GRIP1: variants seen among roughly 807,000 people sequenced by gnomAD.
The protein encoded by GRIP1 is glutamate receptor-interacting protein 1.
A neutral mutation model predicts 129.9 loss-of-function variants in GRIP1; 45 were observed. The observed-to-expected ratio is 0.35, with a 90% CI of 0.27 to 0.44. The LOEUF (loss-of-function observed/expected upper bound fraction) is 0.44. Among genes scored for constraint, GRIP1 ranks in the 20% least tolerant of loss-of-function variants. GRIP1 has a pLI of 1.00. For missense variants in GRIP1, 1,196 were observed against 1,396.8 expected, an observed-to-expected ratio of 0.86 and a Z score of 2.29; for synonymous variants, 530 against 520.8, an observed-to-expected ratio of 1.02 and a Z score of -0.24.
chr12:66,942,744 A>T (rs1375142791), intron 1 of GRIP1, among the ~76,000 whole-genome samples: 1 of 152,146 alleles, frequency 6.6e-6, no homozygotes, highest in African/African-American at 2.4e-5. Context: ...CTCAAAATTT[A>T]TATGTTGAAA....
rs184695655 is a variant in GRIP1, at chr12:66,860,005, A to C, written c.58+209045T>G. On this transcript the variant is annotated intron_variant, in intron 1 of 1. Coordinates refer to the GRIP1 transcript ENST00000643019. ...TGATGTAGAAACTCAGATGACTCAC[A>C]TGCAAGATATAAGTGATCATCACCT... 3.0e-4 allele frequency among the ~76,000 whole-genome samples: 45 copies of C among 152,218 alleles called. No individual in the cohort carries two copies. In the East Asian group the frequency reaches 8.5e-3, roughly 29 times the overall value.
intron 11 of GRIP1, among the ~76,000 whole-genome samples, chr12:66,451,224 G>T (rs2058785558): frequency 6.6e-6 from 1 of 151,892 alleles, no homozygotes; most frequent in Non-Finnish European, 1.5e-5. Flanking sequence ...GTTCTTCCTA[G>T]TGTAAGAAAG....
chr12:66,873,296 G>A (rs2040327700), intron 1 of GRIP1, among the ~76,000 whole-genome samples: 1 of 152,106 alleles, frequency 6.6e-6, no homozygotes, highest in African/African-American at 2.4e-5. Context: ...TCTACCTCCT[G>A]ATGGGGAAGT....
At position 66,933,112 on chromosome 12, in the gene GRIP1, C is replaced by G. The variant is rs1287804067; in HGVS notation, c.58+135938G>C. 2.6e-5 allele frequency among the ~76,000 whole-genome samples: 4 copies of G among 152,204 alleles called. No individual in the cohort carries two copies. In the East Asian group the frequency reaches 7.7e-4, roughly 29 times the overall value. ...ATTTTTCTTCTGGATACTGGACTTACTGGCTGAGCATAAATTTCCAAAGCA... is the reference window on the plus strand; with the variant it reads ...ATTTTTCTTCTGGATACTGGACTTAGTGGCTGAGCATAAATTTCCAAAGCA... On this transcript the variant is annotated intron_variant, in intron 1 of 1. Coordinates refer to the GRIP1 transcript ENST00000643019.
At chr12:66,795,273 T>G (rs73329255) in intron 1 of GRIP1, among the ~76,000 whole-genome samples, 3,680 of 152,288 alleles carry the variant, frequency 0.024, 160 homozygotes, top group African/African-American at 0.084. Flanking sequence ...ACATTCCATA[T>G]TGCTTACATT....
intron 1 of GRIP1, among the ~76,000 whole-genome samples, chr12:66,841,415 AAG>A (rs967978386): frequency 2.0e-5 from 3 of 152,134 alleles, no homozygotes; most frequent in African/African-American, 7.2e-5. Flanking sequence ...TTTCTATAAA[AAG>A]AGAGAGAGAG....
chr12:66,825,695 G>T (rs1054280152), intron 1 of GRIP1, among the ~76,000 whole-genome samples: 2 of 152,150 alleles, frequency 1.3e-5, no homozygotes, highest in African/African-American at 4.8e-5. Context: ...CTTTTCCTCT[G>T]CTGCTGCTCT....
intron 1 of GRIP1, among the ~76,000 whole-genome samples, chr12:66,814,589 T>TAAAAAAA (rs79461500): frequency 5.5e-5 from 6 of 108,422 alleles, no homozygotes; most frequent in Non-Finnish European, 7.7e-5. Flanking sequence ...AGTGATACCA[T>TAAAAAAA]AAAAAAAAAA....
At chr12:66,999,497 C>T (rs537049914) in intron 1 of GRIP1, among the ~76,000 whole-genome samples, 1 of 152,126 alleles carries the variant, frequency 6.6e-6, no homozygotes, top group Non-Finnish European at 1.5e-5. Flanking sequence ...TATTCAAACA[C>T]ACTTTTTGTT....
intron 1 of GRIP1, among the ~76,000 whole-genome samples, chr12:66,652,039 T>C (rs2032832305): frequency 6.6e-6 from 1 of 152,138 alleles, no homozygotes; most frequent in Non-Finnish European, 1.5e-5. Flanking sequence ...AAGAGAAGTA[T>C]TCTGCCTTTT....
intron 1 of GRIP1, among the ~76,000 whole-genome samples, chr12:67,029,498 G>A (rs2042989118): frequency 6.7e-6 from 1 of 149,512 alleles, no homozygotes; most frequent in Non-Finnish European, 1.5e-5. Flanking sequence ...AGGATCACCT[G>A]AGCCCAGGAT....
chr12:66,348,340 A>C lies in GRIP1; in HGVS notation c.*679T>G, dbSNP rs796588029. ...TTTCAGCTATTAAAAATGTGTCCTT[A>C]AAAAAAAAACAGGTCACAAGACATA... On this transcript the variant is annotated 3_prime_UTR_variant, in exon 25 of 25. Coordinates refer to ENST00000359742, the MANE Select transcript of GRIP1 (RefSeq NM_001366722.1). 4.5e-5 allele frequency: 6 copies of C among 133,810 alleles called. No homozygotes were observed. The highest frequency in any genetic ancestry group is 1.7e-4 in the African/African-American group (6 of 35,018). The allele number at this position is 133,810 out of a possible 1,614,324, so 8.3% of individuals were successfully genotyped here. A position where few individuals can be genotyped will look rare whatever the true frequency, so the allele number is the denominator to read the frequency against.
intron 1 of GRIP1, among the ~76,000 whole-genome samples, chr12:66,789,481 A>G (rs1378454404): frequency 6.6e-6 from 1 of 152,214 alleles, no homozygotes; most frequent in African/African-American, 2.4e-5. Flanking sequence ...ACCAAAAAGG[A>G]CAATGTATGT....
At chr12:66,457,784 G>T (rs1293238961) in intron 9 of GRIP1, among the ~76,000 whole-genome samples, 3 of 152,118 alleles carry the variant, frequency 2.0e-5, no homozygotes, top group African/African-American at 7.2e-5. Flanking sequence ...ATCACTGCGG[G>T]GTGAAGCAGA....
At chr12:66,857,849 G>A (rs1271482) in intron 1 of GRIP1, among the ~76,000 whole-genome samples, 41,484 of 151,956 alleles carry the variant, frequency 0.27, 6,841 homozygotes, top group Non-Finnish European at 0.37. Context: ...CACTTGAGCT[G>A]AGTCTTGAAG....
chr12:66,829,772 G>A (rs1013370495), intron 1 of GRIP1, among the ~76,000 whole-genome samples: 2 of 152,188 alleles, frequency 1.3e-5, no homozygotes, highest in African/African-American at 4.8e-5. Context: ...TTACCTCTCA[G>A]TTTCAGGTTA....
chr12:66,549,966 G>C (rs1247515199), intron 2 of GRIP1, among the ~76,000 whole-genome samples: 1 of 152,114 alleles, frequency 6.6e-6, no homozygotes, highest in African/African-American at 2.4e-5. Flanking sequence ...TGATATATGG[G>C]TCAGGATTCT....
intron 13 of GRIP1, among the ~76,000 whole-genome samples, chr12:66,439,890 G>A (rs2058423337): frequency 6.6e-6 from 1 of 150,880 alleles, no homozygotes; most frequent in South Asian, 2.1e-4. Context: ...TGGCAGCTGA[G>A]GTCTCCTGAA....
intron 23 of GRIP1, among the ~76,000 whole-genome samples, chr12:66,371,023 T>G (rs576502810): frequency 6.6e-6 from 1 of 152,290 alleles, no homozygotes; most frequent in East Asian, 1.9e-4. Flanking sequence ...AACCCCTTTT[T>G]CTGTGAAGCT....
Sources: allele counts gnomAD v4.1 joint callset (sites outside exome capture counted in the v4.1 genomes callset), GRCh38; gene constraint gnomAD v4.1.1; transcripts MANE v1.5; gene names NCBI Gene and HGNC (gene_info 2026-07-23, HGNC 2026-07-21).